TARS1: variants seen among roughly 807,000 people sequenced by gnomAD.
TARS1 encodes the protein threonine--tRNA ligase 1, cytoplasmic.
In TARS1, 57 loss-of-function variants were observed where a neutral mutation model predicts 97.7. That is an observed-to-expected ratio of 0.58 (90% confidence interval 0.47 to 0.73). The LOEUF (loss-of-function observed/expected upper bound fraction) is 0.73, where lower values mean the gene tolerates loss of function less well. Ranked by LOEUF, TARS1 falls within the 30% of genes least tolerant of loss-of-function variation. TARS1 has a pLI of 0.00. For missense variants in TARS1, 806 were observed against 888.3 expected, an observed-to-expected ratio of 0.91 and a Z score of 1.18; for synonymous variants, 312 against 293.7, an observed-to-expected ratio of 1.06 and a Z score of -0.64.
At chr5:33,445,575 A>T (rs980678785) in intron 2 of TARS1, among the ~76,000 whole-genome samples, 171 bp downstream of exon 2, 6 of 152,228 alleles carry the variant, frequency 3.9e-5, no homozygotes, top group African/African-American at 1.4e-4. Context: ...TGAGAGGGGA[A>T]AAAAGACTTT....
At chr5:33,450,205 ATTTTTGAAGTT>A (rs1741663669) in intron 3 of TARS1, among the ~76,000 whole-genome samples, 1 of 152,188 alleles carries the variant, frequency 6.6e-6, no homozygotes, top group Non-Finnish European at 1.5e-5. Flanking sequence ...ATAATTATAT[ATTTTTGAAGTT>A]TATTTATAAG....
intron 1 of TARS1, chr5:33,441,357 TC>T: frequency 1.7e-6 from 1 of 583,220 alleles, no homozygotes; most frequent in South Asian, 2.0e-5. Flanking sequence ...CATCTGTGGG[TC>T]CATTCTCTTT....
intron 3 of TARS1, among the ~76,000 whole-genome samples, chr5:33,450,309 C>CA (rs2111948507): frequency 6.6e-6 from 1 of 152,188 alleles, no homozygotes; most frequent in East Asian, 1.9e-4. Flanking sequence ...ATTGTTGAAC[C>CA]AAACACGTAA....
chr5:33,445,647 G>A (rs1230729969), intron 2 of TARS1, among the ~76,000 whole-genome samples: 10 of 152,200 alleles, frequency 6.6e-5, no homozygotes, highest in Admixed American at 6.5e-4. Context: ...TGATTGTAGG[G>A]TTGAATATAA....
chr5:33,462,035 T>C, intron 15 of TARS1, 29 bp downstream of exon 15: 1 of 1,608,100 alleles, frequency 6.2e-7, no homozygotes. Context: ...CTCTGAATAT[T>C]CTCCAGGGAT....
Position 33,459,783 on chromosome 5 carries a change from A to G in TARS1, c.1172A>G (p.His391Arg). The G allele has an allele frequency of 1.2e-6, 2 of 1,614,208 alleles. No homozygotes were observed. Among genetic ancestry groups the G allele is most frequent in the Non-Finnish European group, 1.7e-6 (2 of 1,180,034 alleles). Residue 391 changes from histidine to arginine, a missense_variant, in exon 11 of 19, where the codon CAC (histidine) becomes CGC (arginine). Physicochemically the swap from His to Arg is conservative, Grantham distance 29. Coordinates refer to ENST00000265112, the MANE Select transcript of TARS1 (RefSeq NM_152295.5). ...TGGATGACCTCGGGCCACTGGCAGCACTACAGCGAGAACATGTTCTCCTTT... is the reference window on the plus strand; with the variant it reads ...TGGATGACCTCGGGCCACTGGCAGCGCTACAGCGAGAACATGTTCTCCTTT... ...RLWMTSGHWQ[H>R]YSENMFSFEV...
chr5:33,467,517 A>G (rs776580752), intron 18 of TARS1, 43 bp from the exon 19 acceptor site: 2 of 1,591,054 alleles, frequency 1.3e-6, no homozygotes, highest in Admixed American at 1.8e-5. Flanking sequence ...ATTCTTCCAT[A>G]TCTTTAGATT....
chr5:33,459,320 T>A (rs1742179987), intron 10 of TARS1, among the ~76,000 whole-genome samples: 1 of 152,250 alleles, frequency 6.6e-6, no homozygotes, highest in Admixed American at 6.5e-5. Flanking sequence ...GTGTGTTACA[T>A]ATAGGAAGCC....
rs199877019 is a variant in TARS1 at position 33,445,447 on chromosome 5, C to T, written c.138+43C>T. 25 of 1,562,304 alleles carry T rather than the reference C, an allele frequency of 1.6e-5. No homozygotes were observed. In the East Asian group the frequency reaches 4.5e-4, roughly 28 times the overall value. On this transcript the variant is annotated intron_variant, in intron 2 of 18. Coordinates refer to ENST00000265112, the MANE Select transcript of TARS1 (RefSeq NM_152295.5). ...AGAGGGCTCTGTTATCAGAGGTTGGCAAATCGCAGGGAACTTTCTGAGACT... is the reference window on the plus strand; with the variant it reads ...AGAGGGCTCTGTTATCAGAGGTTGGTAAATCGCAGGGAACTTTCTGAGACT...
chr5:33,456,097 T>C (rs1180247562), intron 7 of TARS1, 31 bp downstream of exon 7: 3 of 1,612,146 alleles, frequency 1.9e-6, no homozygotes, highest in Non-Finnish European at 2.5e-6. Context: ...TAAATGTATC[T>C]GGTATGTATG....
Position 33,460,886 on chromosome 5 carries a change from T to C in TARS1, c.1251-16T>C. ...TTTATTCTTAAGTGTCCGTGGACTT[T>C]TCTTTTTCTCTTCAGCCTTATGTTT... On this transcript the variant is annotated splice_polypyrimidine_tract_variant and intron_variant, in intron 11 of 18. Coordinates refer to ENST00000265112, the MANE Select transcript of TARS1 (RefSeq NM_152295.5). The C allele has an allele frequency of 6.2e-7, 1 of 1,613,542 alleles. No homozygotes were observed. Among genetic ancestry groups the C allele is most frequent in the Non-Finnish European group, 8.5e-7 (1 of 1,179,858 alleles).
At chr5:33,457,217 C>T in intron 8 of TARS1, 40 bp from the exon 9 acceptor site, 1 of 1,600,356 alleles carries the variant, frequency 6.2e-7, no homozygotes, top group Non-Finnish European at 8.5e-7. Context: ...GAGATGTTTA[C>T]AAATTTGAAT....
chr5:33,445,341 G>A lies in TARS1; in HGVS notation c.75G>A (p.Glu25=). The change falls in exon 2 of 19, where the codon GAG becomes GAA. Residue 25 remains glutamate (E), a synonymous_variant. Coordinates refer to ENST00000265112, the MANE Select transcript of TARS1 (RefSeq NM_152295.5). ...GEEKPIGAGE[E]KQKEGGKKKN... is the part of the protein sequence containing the mutation. ...TTATTTAGATTGGTGCTGGTGAAGA[G>A]AAGCAAAAGGAAGGAGGCAAAAAGA... The A allele has an allele frequency of 6.2e-7, 1 of 1,612,428 alleles. No individual in the cohort carries two copies. Among genetic ancestry groups the A allele is most frequent in the East Asian group, 2.2e-5 (1 of 44,786 alleles).
chr5:33,467,456 T>G, intron 18 of TARS1, 104 bp from the exon 19 acceptor site: 1 of 1,279,632 alleles, frequency 7.8e-7, no homozygotes, highest in Non-Finnish European at 1.1e-6. Context: ...TCAGAAGCTA[T>G]GGGGTAGGTT....
At chr5:33,465,272 T>C (rs1171654362) in intron 17 of TARS1, among the ~76,000 whole-genome samples, 1 of 152,206 alleles carries the variant, frequency 6.6e-6, no homozygotes, top group Non-Finnish European at 1.5e-5. Flanking sequence ...AGAAGTTCTG[T>C]ATTGGTTAAC....
At chr5:33,443,562 T>C (rs749190622) in intron 1 of TARS1, among the ~76,000 whole-genome samples, 72 of 150,820 alleles carry the variant, frequency 4.8e-4, no homozygotes, top group Non-Finnish European at 9.9e-4. Flanking sequence ...GCGCGATCTC[T>C]GCTCACTGCA....
At chr5:33,451,648 C>A (rs1477389828) in intron 3 of TARS1, among the ~76,000 whole-genome samples, 4 of 152,330 alleles carry the variant, frequency 2.6e-5, no homozygotes, top group African/African-American at 9.6e-5. Flanking sequence ...GCTGGGATTA[C>A]AGGCGTGAGC....
At chr5:33,446,405 C>A (rs2111931376) in intron 2 of TARS1, among the ~76,000 whole-genome samples, 1 of 152,314 alleles carries the variant, frequency 6.6e-6, no homozygotes, top group Non-Finnish European at 1.5e-5. Context: ...TCCCTAATTT[C>A]TTTTTTATAC....
chr5:33,452,246 A>G (rs1741780671), intron 3 of TARS1: 6 of 933,770 alleles, frequency 6.4e-6, no homozygotes, highest in Admixed American at 2.0e-5. Flanking sequence ...AATGTTGCCT[A>G]CCTTCGTTGA....
Sources: gnomAD v4.1 joint callset for allele counts (sites outside exome capture counted in the v4.1 genomes callset) on GRCh38, gnomAD v4.1.1 for gene constraint, MANE v1.5 for transcripts, NCBI Gene and HGNC (gene_info 2026-07-23, HGNC 2026-07-21) for gene names.